ST18: variants seen among roughly 807,000 people sequenced by gnomAD.
The protein encoded by ST18 is ST18 C2H2C-type zinc finger transcription factor, also known as suppression of tumorigenicity 18 protein.
A neutral mutation model predicts 110.0 loss-of-function variants in ST18; 50 were observed. That is an observed-to-expected ratio of 0.45 (90% confidence interval 0.36 to 0.58). The LOEUF (loss-of-function observed/expected upper bound fraction) is 0.58, where lower values mean the gene tolerates loss of function less well. Ranked by LOEUF, ST18 falls within the 20% of genes least tolerant of loss-of-function variation. ST18 has a pLI of 0.00. For synonymous variants in ST18, 461 were observed against 452.4 expected (o/e 1.02, Z -0.24); for missense variants, 1,306 against 1,280.1 (o/e 1.02, Z -0.31).
chr8:52,156,672 A>AT (rs956460768), intron 15 of ST18, among the ~76,000 whole-genome samples: 17 of 152,226 alleles, frequency 1.1e-4, no homozygotes, highest in African/African-American at 4.1e-4. Flanking sequence ...TCTCTTCAAC[A>AT]TTAAGAAAAT....
intron 2 of ST18, among the ~76,000 whole-genome samples, chr8:52,230,839 C>G (rs558427305): frequency 1.3e-4 from 20 of 148,280 alleles, no homozygotes; most frequent in Admixed American, 7.5e-4. Flanking sequence ...TTCACCAACT[C>G]CACAGAAAGC....
chr8:52,119,512 A>G (rs991903670), intron 23 of ST18, among the ~76,000 whole-genome samples: 2 of 152,128 alleles, frequency 1.3e-5, no homozygotes, highest in African/African-American at 2.4e-5. Flanking sequence ...GGGCTCTTAT[A>G]CTTTCCTAGG....
chr8:52,304,867 T>C (rs758055866), intron 2 of ST18, among the ~76,000 whole-genome samples: 1 of 152,184 alleles, frequency 6.6e-6, no homozygotes, highest in Non-Finnish European at 1.5e-5. Flanking sequence ...TGGGTCTCTC[T>C]TACAAGAGCA....
intron 2 of ST18, among the ~76,000 whole-genome samples, chr8:52,231,898 A>T (rs570830348): frequency 6.6e-6 from 1 of 152,336 alleles, no homozygotes; most frequent in East Asian, 1.9e-4. Context: ...GCTCTGGAAC[A>T]TCAGTGACAT....
intron 2 of ST18, chr8:52,393,456 G>A (rs1467520346): frequency 6.6e-6 from 1 of 152,068 alleles, no homozygotes; most frequent in Non-Finnish European, 1.5e-5. Flanking sequence ...CCAGTTTCAC[G>A]TGGTCAATCA....
In ST18 at chr8:52,159,098, G is replaced by A. The variant is rs1016952385; in HGVS notation, c.1606C>T (p.Pro536Ser). 36 of 1,613,740 alleles carry A rather than the reference G, an allele frequency of 2.2e-5. No homozygotes were observed. Among genetic ancestry groups the A allele is most frequent in the Non-Finnish European group, 3.0e-5 (35 of 1,179,996 alleles). The change falls in exon 15 of 26, where the codon CCA (proline) becomes TCA (serine). Residue 536 changes from proline (P) to serine (S), a missense_variant. Physicochemically the swap from Pro to Ser is moderately conservative, Grantham distance 74. Coordinates refer to ENST00000689386, the MANE Select transcript of ST18 (RefSeq NM_001352837.2). Reference protein sequence around the residue: ...TPPFPESKHFPNPVKFPNRLP... With the variant: ...TPPFPESKHFSNPVKFPNRLP... ...CGATTAGGAAATTTCACTGGATTTG[G>A]AAAATGCTTTGCTGTTGAAGAGAGA... is the stretch of plus-strand genomic sequence containing the variant.
chr8:52,366,302 A>AAC (rs10693994), intron 2 of ST18, among the ~76,000 whole-genome samples: 23,715 of 151,962 alleles, frequency 0.16, 3,022 homozygotes, highest in African/African-American at 0.35. Flanking sequence ...CCTCACAAAA[A>AAC]ACACTGCTCT....
chr8:52,166,749 A>C (rs569329284), intron 11 of ST18, 103 bp downstream of exon 11: 2 of 1,364,706 alleles, frequency 1.5e-6, no homozygotes, highest in African/African-American at 1.5e-5. Context: ...TAGTTTAAAA[A>C]AGTTTGTTTC....
At chr8:52,300,805 A>G (rs994989986) in intron 2 of ST18, among the ~76,000 whole-genome samples, 1 of 152,190 alleles carries the variant, frequency 6.6e-6, no homozygotes, top group African/African-American at 2.4e-5. Context: ...ACAGAGCCTA[A>G]TATTTACTCC....
At chr8:52,329,780 A>T (rs1175131595) in intron 2 of ST18, among the ~76,000 whole-genome samples, 1 of 152,152 alleles carries the variant, frequency 6.6e-6, no homozygotes, top group African/African-American at 2.4e-5. Flanking sequence ...AAAGAAACAA[A>T]AAAAGAAAAG....
chr8:52,290,630 T>C (rs536597531), intron 2 of ST18, among the ~76,000 whole-genome samples: 2 of 152,222 alleles, frequency 1.3e-5, no homozygotes, highest in South Asian at 4.1e-4. Context: ...TCAGTGTGTC[T>C]CTAGGACCAA....
intron 2 of ST18, among the ~76,000 whole-genome samples, chr8:52,267,436 C>G (rs969389942): frequency 7.3e-6 from 1 of 136,808 alleles, no homozygotes; most frequent in Admixed American, 8.2e-5. Flanking sequence ...TTGAAAGTAG[C>G]AATGGGGAGC....
intron 5 of ST18, among the ~76,000 whole-genome samples, chr8:52,219,724 C>A (rs76484592): frequency 1.6e-4 from 25 of 151,872 alleles, no homozygotes; most frequent in African/African-American, 5.3e-4. Flanking sequence ...TAGGCACATT[C>A]CCCCCAGAAG....
chr8:52,224,359 T>A (rs1172974891), intron 3 of ST18, among the ~76,000 whole-genome samples: 1 of 152,254 alleles, frequency 6.6e-6, no homozygotes, highest in Non-Finnish European at 1.5e-5. Flanking sequence ...ACAAAAATTA[T>A]GTAAGCCTTT....
chr8:52,221,517 A>T (rs1406816371), intron 4 of ST18, 123 bp downstream of exon 4: 1 of 152,166 alleles, frequency 6.6e-6, no homozygotes, highest in African/African-American at 2.4e-5. Flanking sequence ...GAAAACTTTG[A>T]AATTCAGTGT....
At chr8:52,222,454 T>C (rs1460006845) in intron 3 of ST18, among the ~76,000 whole-genome samples, 1 of 152,178 alleles carries the variant, frequency 6.6e-6, no homozygotes, top group Admixed American at 6.5e-5. Flanking sequence ...CCATCTGCCG[T>C]GGCTCCCCTC....
intron 2 of ST18, among the ~76,000 whole-genome samples, chr8:52,363,992 T>A (rs1239169146): frequency 2.0e-5 from 3 of 152,192 alleles, no homozygotes; most frequent in African/African-American, 7.2e-5. Flanking sequence ...TGACAGTATT[T>A]TTCAAGATCC....
At chr8:52,175,025 C>T (rs1439846994) in intron 9 of ST18, among the ~76,000 whole-genome samples, 1 of 152,088 alleles carries the variant, frequency 6.6e-6, no homozygotes, top group Non-Finnish European at 1.5e-5. Context: ...CTGAACTGAC[C>T]TAAAAAGCCC....
chr8:52,317,311 C>T (rs1185902380), intron 2 of ST18, among the ~76,000 whole-genome samples: 1 of 152,112 alleles, frequency 6.6e-6, no homozygotes, highest in Non-Finnish European at 1.5e-5. Flanking sequence ...ATAGAATACA[C>T]AGACACAAAG....
Sources: gnomAD v4.1 joint callset for allele counts (sites outside exome capture counted in the v4.1 genomes callset) on GRCh38, gnomAD v4.1.1 for gene constraint, MANE v1.5 for transcripts, NCBI Gene and HGNC (gene_info 2026-07-23, HGNC 2026-07-21) for gene names.